MYO16: variants seen among roughly 807,000 people sequenced by gnomAD.
MYO16 encodes unconventional myosin-XVI.
A neutral mutation model predicts 205.3 loss-of-function variants in MYO16; 94 were observed. That is an observed-to-expected ratio of 0.46 (90% CI 0.39 to 0.54). The LOEUF is 0.54. Among genes scored for constraint, MYO16 ranks in the 20% least tolerant of loss-of-function variants. MYO16 has a pLI of 0.00. For missense variants in MYO16, 2,315 were observed against 2,387.5 expected (o/e 0.97, Z 0.63); for synonymous variants, 988 against 954.0 (o/e 1.04, Z -0.66).
At chr13:108,500,729 C>T in the MYO16 span, among the ~76,000 whole-genome samples, 1 of 152,192 alleles carries the variant, frequency 6.6e-6, no homozygotes, top group Non-Finnish European at 1.5e-5. Flanking sequence ...GGACCAGGCC[C>T]TAATTCATCT....
chr13:108,572,127 A>G, the MYO16 span, among the ~76,000 whole-genome samples: 1 of 151,744 alleles, frequency 6.6e-6, no homozygotes, highest in African/African-American at 2.4e-5. Context: ...GGGTCTGGCT[A>G]TGTTGCCCAG....
At chr13:109,033,524 C>T (rs1886610569) in intron 23 of MYO16, among the ~76,000 whole-genome samples, 1 of 152,122 alleles carries the variant, frequency 6.6e-6, no homozygotes, top group African/African-American at 2.4e-5. Context: ...TCTCAGCTGT[C>T]AGCAACAAGA....
intron 16 of MYO16, 51 bp downstream of exon 16, chr13:108,910,201 T>C: frequency 6.5e-7 from 1 of 1,531,294 alleles, no homozygotes; most frequent in African/African-American, 1.4e-5. Flanking sequence ...AAATTGTGAT[T>C]GCAATTTGGT....
At chr13:108,681,111 G>A (rs970935209) in intron 2 of MYO16, among the ~76,000 whole-genome samples, 3 of 152,148 alleles carry the variant, frequency 2.0e-5, no homozygotes, top group East Asian at 1.9e-4. Flanking sequence ...TATGTCTAAC[G>A]TGAATGTGTT....
At chr13:108,600,943 A>C (rs1878739593) in intron 1 of MYO16, among the ~76,000 whole-genome samples, 1 of 151,858 alleles carries the variant, frequency 6.6e-6, no homozygotes, top group South Asian at 2.1e-4. Context: ...ACTTATCCTC[A>C]TGAAGATTTT....
chr13:109,046,000 G>A (rs1009635137), intron 23 of MYO16, among the ~76,000 whole-genome samples: 5 of 152,124 alleles, frequency 3.3e-5, no homozygotes, highest in South Asian at 2.1e-4. Context: ...TCTCCCTCAC[G>A]GCGGATGCTC....
At chr13:108,905,689 T>A (rs1160776856) in intron 15 of MYO16, among the ~76,000 whole-genome samples, 3 of 152,180 alleles carry the variant, frequency 2.0e-5, no homozygotes, top group Non-Finnish European at 4.4e-5. Context: ...TATTTTATGG[T>A]CTCATATGGC....
At chr13:108,728,083 G>A (rs556222696) in intron 4 of MYO16, among the ~76,000 whole-genome samples, 9 of 152,280 alleles carry the variant, frequency 5.9e-5, no homozygotes, top group African/African-American at 1.7e-4. Flanking sequence ...ACATCCAGAC[G>A]TTGATCCTCA....
intron 16 of MYO16, among the ~76,000 whole-genome samples, chr13:108,911,166 C>T (rs1396259114): frequency 6.6e-6 from 1 of 151,900 alleles, no homozygotes; most frequent in Non-Finnish European, 1.5e-5. Flanking sequence ...GGCAACTTCC[C>T]CAGCAAGCCC....
intron 15 of MYO16, among the ~76,000 whole-genome samples, chr13:108,909,018 A>G (rs1487158862): frequency 7.0e-6 from 1 of 143,276 alleles, no homozygotes; most frequent in Admixed American, 7.1e-5. Flanking sequence ...AAATAAAAAT[A>G]TAATTGAAAT....
chr13:109,140,528 G>T lies in MYO16; in HGVS notation c.4316G>T (p.Gly1439Val). Residue 1439 changes from glycine (G) to valine (V), a missense_variant, in exon 32 of 35, where the codon GGG becomes GTG. Gly to Val is a moderately radical substitution (Grantham distance 109). This residue lies in a region of MYO16 where 1,097 missense variants were observed against 1,092.0 expected (regional missense o/e 1.00). Transcript: ENST00000457511. The surrounding 1 kb of genome is among the most constrained non-coding windows in gnomAD (Gnocchi z 8.0). Reference sequence around the variant, plus strand: ...GAGCCTGTGTACATCGAGATGCTGGGGCACGCGGCCAGGCCCGATAGCCCG... The same window carrying T: ...GAGCCTGTGTACATCGAGATGCTGGTGCACGCGGCCAGGCCCGATAGCCCG... ...DSEPVYIEML[G>V]HAARPDSPDP... 6.4e-7 allele frequency: 1 copy of T among 1,552,226 alleles called. No individual in the cohort carries two copies. The highest frequency in any genetic ancestry group is 2.4e-5 in the East Asian group (1 of 41,594).
intron 20 of MYO16, among the ~76,000 whole-genome samples, chr13:108,968,253 G>A (rs1410914357): frequency 2.0e-5 from 3 of 152,024 alleles, no homozygotes; most frequent in African/African-American, 7.2e-5. Context: ...CTTTCGATGA[G>A]GGGGGGATTA....
chr13:108,691,831 A>G (rs1882908485), intron 2 of MYO16, among the ~76,000 whole-genome samples: 1 of 152,218 alleles, frequency 6.6e-6, no homozygotes, highest in Non-Finnish European at 1.5e-5. Flanking sequence ...TTGATGATAT[A>G]TTTGATGAAC....
intron 2 of MYO16, among the ~76,000 whole-genome samples, chr13:108,683,430 A>AGAAT (rs1203814059): frequency 1.3e-5 from 2 of 152,206 alleles, no homozygotes; most frequent in East Asian, 1.9e-4. Flanking sequence ...AAAGAAAGAA[A>AGAAT]GAAAGAAAAA....
the MYO16 span, among the ~76,000 whole-genome samples, chr13:108,547,742 C>T: frequency 6.6e-6 from 1 of 152,164 alleles, no homozygotes; most frequent in Non-Finnish European, 1.5e-5. Context: ...CATAGAAATG[C>T]CAAGTGGGTA....
rs35080410 is a variant in MYO16, at chr13:108,853,596, A to ATT, written c.1249-1830_1249-1829dup. On this transcript the variant is annotated intron_variant, in intron 10 of 34. Transcript: ENST00000457511. ...TGTTGTTGATATTTCTGAGATCTAG[A>ATT]TTTTTTTTTTTTTTTTTTGAGACAG... Among the ~76,000 whole-genome samples, 695 of 130,250 alleles carry ATT rather than the reference A, an allele frequency of 5.3e-3. 10 individuals carry two copies. Among genetic ancestry groups the ATT allele is most frequent in the African/African-American group, 0.014 (478 of 34,354 alleles). 85.4% of individuals were successfully genotyped at this position (130,250 alleles called of 152,430 possible). A position where few individuals can be genotyped will look rare whatever the true frequency, so the allele number is the denominator to read the frequency against.
At chr13:108,635,889 C>G (rs564890868) in intron 1 of MYO16, among the ~76,000 whole-genome samples, 73 of 152,164 alleles carry the variant, frequency 4.8e-4, no homozygotes, top group African/African-American at 1.8e-3. Context: ...TGTCTCTGTT[C>G]TATGGATTTT....
chr13:108,690,043 A>G (rs1388973745), intron 2 of MYO16, among the ~76,000 whole-genome samples: 1 of 152,118 alleles, frequency 6.6e-6, no homozygotes, highest in South Asian at 2.1e-4. Context: ...AAAATTCCTC[A>G]TTTCTCACAT....
chr13:109,046,291 T>C (rs1887041516), intron 23 of MYO16, among the ~76,000 whole-genome samples: 2 of 152,218 alleles, frequency 1.3e-5, no homozygotes, highest in South Asian at 4.1e-4. Context: ...GATTTCACAC[T>C]TAGTTGACAC....
Sources: allele counts gnomAD v4.1 joint callset (sites outside exome capture counted in the v4.1 genomes callset), GRCh38; gene constraint gnomAD v4.1.1; regional missense constraint gnomAD v4.1.1; non-coding constraint Gnocchi (gnomAD v3.1); transcripts MANE v1.5; gene names NCBI Gene and HGNC (gene_info 2026-07-23, HGNC 2026-07-21).